The following NR3C2 variants were observed in gnomAD, a reference collection of about 807,000 sequenced individuals.
NR3C2 encodes the protein nuclear receptor subfamily 3 group C member 2.
NR3C2 carries 15 observed loss-of-function variants against 86.4 expected under a neutral mutation model. The observed-to-expected ratio is 0.17, with a 90% CI of 0.12 to 0.27. The LOEUF is 0.27. NR3C2 is among the 10% of genes least tolerant of loss of function. The pLI, the probability that NR3C2 is intolerant of heterozygous loss-of-function variation, is 1.00. For synonymous variants in NR3C2, 458 were observed against 450.5 expected, an observed-to-expected ratio of 1.02 and a Z score of -0.21; for missense variants, 960 against 1,195.6, an observed-to-expected ratio of 0.80 and a Z score of 2.91.
At chr4:148,124,235 A>AAAACC (rs56820575) in intron 6 of NR3C2, among the ~76,000 whole-genome samples, 3,144 of 150,886 alleles carry the variant, frequency 0.021, 114 homozygotes, top group African/African-American at 0.071. Flanking sequence ...ACTCCATCCC[A>AAAACC]AAACCAAACC....
chr4:148,127,289 T>C (rs981876392), intron 6 of NR3C2, among the ~76,000 whole-genome samples: 1 of 152,200 alleles, frequency 6.6e-6, no homozygotes, highest in East Asian at 1.9e-4. Context: ...TGCAAGGAAG[T>C]TGAAATAAGG....
intron 3 of NR3C2, among the ~76,000 whole-genome samples, chr4:148,196,709 C>A (rs947119982): frequency 2.0e-5 from 3 of 151,932 alleles, no homozygotes; most frequent in Non-Finnish European, 2.9e-5. Flanking sequence ...TTAGTAATAA[C>A]AATAAAACAA....
intron 2 of NR3C2, among the ~76,000 whole-genome samples, chr4:148,277,427 A>C (rs1462921224): frequency 6.6e-6 from 1 of 152,188 alleles, no homozygotes; most frequent in Non-Finnish European, 1.5e-5. Flanking sequence ...CATCAAAAAC[A>C]TATGTAAGCC....
chr4:148,435,274 A>G lies in NR3C2; in HGVS notation c.1587T>C (p.Ala529=), dbSNP rs754055867. The G allele has an allele frequency of 4.3e-6, 7 of 1,614,182 alleles. 1 individual carries two copies. The South Asian group carries it at 7.7e-5, about 18-fold the overall frequency. Residue 529 remains alanine, a synonymous_variant, in exon 2 of 9, where the codon GCT becomes GCC. Transcript: ENST00000358102. ...ATCGTGATAAAGATATTGTACCTTG[A>G]GCACCAATCCTGTAGTGGAAGGACT... ...GGQSFHYRIG[A]QGTISLSRSA... is the part of the protein sequence containing the mutation.
intron 3 of NR3C2, among the ~76,000 whole-genome samples, chr4:148,237,579 T>C (rs902085584): frequency 1.3e-5 from 2 of 151,746 alleles, no homozygotes; most frequent in Non-Finnish European, 2.9e-5. Flanking sequence ...TATGGCACAA[T>C]TTTATGAACT....
chr4:148,376,626 A>C (rs1046336641), intron 2 of NR3C2, among the ~76,000 whole-genome samples: 1 of 152,196 alleles, frequency 6.6e-6, no homozygotes, highest in African/African-American at 2.4e-5. Flanking sequence ...TTTAGTTTTA[A>C]CTTTAGAATT....
intron 8 of NR3C2, among the ~76,000 whole-genome samples, chr4:148,113,884 C>T (rs1431626741): frequency 6.6e-6 from 1 of 152,128 alleles, no homozygotes; most frequent in Non-Finnish European, 1.5e-5. Context: ...TCTGGCACTA[C>T]TCTTGGCCCA....
intron 8 of NR3C2, among the ~76,000 whole-genome samples, chr4:148,096,415 T>G (rs1383479311): frequency 6.6e-6 from 1 of 152,222 alleles, no homozygotes; most frequent in Non-Finnish European, 1.5e-5. Context: ...ACTTTAACAT[T>G]AGGTTTAATC....
At chr4:148,383,340 C>T (rs956276220) in intron 2 of NR3C2, among the ~76,000 whole-genome samples, 1 of 152,104 alleles carries the variant, frequency 6.6e-6, no homozygotes, top group Non-Finnish European at 1.5e-5. Context: ...ATCAAGACAA[C>T]TTACTTTATG....
chr4:148,277,106 A>G (rs949325490), intron 2 of NR3C2, among the ~76,000 whole-genome samples: 3 of 152,236 alleles, frequency 2.0e-5, no homozygotes, highest in Non-Finnish European at 2.9e-5. Flanking sequence ...AAAATATTTT[A>G]CGGGAACTGG....
chr4:148,338,615 T>C (rs978992066), intron 2 of NR3C2, among the ~76,000 whole-genome samples: 6 of 152,108 alleles, frequency 3.9e-5, no homozygotes, highest in African/African-American at 7.2e-5. Flanking sequence ...GGTAAGCCCA[T>C]TGCTGAATGG....
At chr4:148,321,737 C>T (rs1743607096) in intron 2 of NR3C2, among the ~76,000 whole-genome samples, 1 of 152,080 alleles carries the variant, frequency 6.6e-6, no homozygotes, top group African/African-American at 2.4e-5. Flanking sequence ...CTTGGTAGAT[C>T]TTCCTCCATC....
intron 2 of NR3C2, among the ~76,000 whole-genome samples, chr4:148,359,126 T>C (rs1432327230): frequency 6.6e-6 from 1 of 152,182 alleles, no homozygotes; most frequent in Non-Finnish European, 1.5e-5. Context: ...AACTTCCCTA[T>C]ATAGTCCTCT....
intron 8 of NR3C2, among the ~76,000 whole-genome samples, chr4:148,084,810 T>C (rs1578863554): frequency 6.6e-6 from 1 of 152,044 alleles, no homozygotes; most frequent in Admixed American, 6.5e-5. Context: ...AATAAAGGGA[T>C]GGAGGAAGAT....
chr4:148,157,469 A>G (rs576558671), intron 4 of NR3C2, among the ~76,000 whole-genome samples: 20 of 152,216 alleles, frequency 1.3e-4, no homozygotes, highest in Middle Eastern at 3.2e-3. Flanking sequence ...TTTAAGAAAT[A>G]TAAGATCACA....
At chr4:148,243,329 C>T (rs1167204819) in intron 3 of NR3C2, among the ~76,000 whole-genome samples, 2 of 152,006 alleles carry the variant, frequency 1.3e-5, no homozygotes, top group African/African-American at 4.8e-5. Flanking sequence ...GTGGCTCAGC[C>T]CTAAAGACAT....
At chr4:148,317,330 G>C (rs1743244840) in intron 2 of NR3C2, among the ~76,000 whole-genome samples, 1 of 149,330 alleles carries the variant, frequency 6.7e-6, no homozygotes, top group Non-Finnish European at 1.5e-5. Context: ...ACTTGAGCCT[G>C]GGCAACAAGA....
chr4:148,300,438 A>C (rs999934795), intron 2 of NR3C2, among the ~76,000 whole-genome samples: 6 of 152,200 alleles, frequency 3.9e-5, no homozygotes, highest in Non-Finnish European at 8.8e-5. Flanking sequence ...GATTTTCTTA[A>C]AGACTGCTCA....
intron 4 of NR3C2, among the ~76,000 whole-genome samples, chr4:148,183,657 T>C (rs1320772503): frequency 6.6e-6 from 1 of 152,144 alleles, no homozygotes; most frequent in Non-Finnish European, 1.5e-5. Context: ...AGTGTTGCTG[T>C]GAGGTTTAAG....
Sources: gnomAD v4.1 joint callset for allele counts (sites outside exome capture counted in the v4.1 genomes callset) on GRCh38, gnomAD v4.1.1 for gene constraint, MANE v1.5 for transcripts, NCBI Gene and HGNC (gene_info 2026-07-23, HGNC 2026-07-21) for gene names.